The following MVD variants were observed in gnomAD, a reference collection of about 807,000 sequenced individuals.
MVD encodes the protein diphosphomevalonate decarboxylase.
In MVD, 52 loss-of-function variants were observed where a neutral mutation model predicts 42.4. That is an observed-to-expected ratio of 1.23 (90% confidence interval 0.98 to 1.55). MVD has a LOEUF of 1.55. Among genes scored for constraint, MVD ranks in the 40% most tolerant of loss-of-function variants. The pLI, the probability that MVD is intolerant of heterozygous loss-of-function variation, is 0.00. For synonymous variants in MVD, 287 were observed against 243.2 expected, an observed-to-expected ratio of 1.18 and a Z score of -1.68; for missense variants, 663 against 572.1, an observed-to-expected ratio of 1.16 and a Z score of -1.62.
chr16:88,655,188 G>A lies in MVD; in HGVS notation c.897+11C>T. ...CGCGAGCGCAGCCTCTGCCCTCCCG[G>A]CCCGCGTCACCTTGGTGTCCCCGTG... On this transcript the variant is annotated intron_variant, in intron 7 of 9. Coordinates refer to ENST00000301012, the MANE Select transcript of MVD (RefSeq NM_002461.3). The A allele has an allele frequency of 6.4e-7, 1 of 1,553,164 alleles. No homozygotes were observed.
intron 7 of MVD, 194 bp downstream of exon 7, chr16:88,655,005 C>G: frequency 1.1e-6 from 1 of 875,300 alleles, no homozygotes; most frequent in Non-Finnish European, 1.7e-6. Context: ...GGTGGTGGGG[C>G]CGTGACCCGG....
rs1219331666 is a variant in MVD at position 88,663,090 on chromosome 16, G to A, written c.-10C>T. 6 of 1,608,054 alleles carry A rather than the reference G, an allele frequency of 3.7e-6. No homozygotes were observed. In the African/African-American group the frequency reaches 4.0e-5, roughly 11 times the overall value. On this transcript the variant is annotated 5_prime_UTR_variant, in exon 1 of 10. Transcript: ENST00000301012. ...GCTTCTCCGAGGCCATGGTCCCACC[G>A]CGCAGTGACCCCAGCTCCACAGCCA... is the stretch of plus-strand genomic sequence containing the variant.
At chr16:88,654,995 G>C in intron 7 of MVD, 188 bp from the exon 8 acceptor site, 1 of 853,486 alleles carries the variant, frequency 1.2e-6, no homozygotes, top group Non-Finnish European at 1.8e-6. Flanking sequence ...CCAGGAAGAA[G>C]GTGGTGGGGC....
intron 4 of MVD, chr16:88,656,740 C>G (rs1907953978): frequency 4.0e-6 from 1 of 252,462 alleles, no homozygotes. Flanking sequence ...CACCTTCTCC[C>G]CTCCTCCCAC....
At chr16:88,655,088 T>C in intron 7 of MVD, 111 bp downstream of exon 7, 1 of 1,292,326 alleles carries the variant, frequency 7.7e-7, no homozygotes, top group East Asian at 2.5e-5. Flanking sequence ...GGGTGGAGCT[T>C]TCAGACACAG....
rs748943997 is a variant in MVD, at chr16:88,655,227, C to A, written c.869G>T (p.Arg290Leu). 3 of 1,574,700 alleles carry A rather than the reference C, an allele frequency of 1.9e-6. No individual in the cohort carries two copies. In the African/African-American group the frequency reaches 4.0e-5, roughly 21 times the overall value. ...GGTGTCCCCGTGGTGGGCGTTGAAG[C>A]GGTGCACCAGGTGGATGATGCGCCA... ...ISWRIIHLVH[R>L]FNAHHGDTKV... Residue 290 changes from arginine to leucine, a missense_variant, in exon 7 of 10, where the codon CGC (arginine) becomes CTC (leucine). Coordinates refer to ENST00000301012, the MANE Select transcript of MVD (RefSeq NM_002461.3).
intron 8 of MVD, 79 bp from the exon 9 acceptor site, chr16:88,653,487 G>C: frequency 8.2e-7 from 1 of 1,213,176 alleles, no homozygotes; most frequent in Non-Finnish European, 1.1e-6. Flanking sequence ...GGCAAGTCCA[G>C]AGATGGGAAG....
At chr16:88,662,611 C>T (rs902247854) in intron 1 of MVD, 5 of 1,074,278 alleles carry the variant, frequency 4.7e-6, no homozygotes, top group East Asian at 8.6e-5. Flanking sequence ...GCGCGATTTC[C>T]GCTCACTGCA....
intron 4 of MVD, 164 bp downstream of exon 4, chr16:88,657,272 T>C (rs900505952): frequency 1.0e-6 from 1 of 970,906 alleles, no homozygotes; most frequent in African/African-American, 1.6e-5. Context: ...TGTTCAGATG[T>C]GCTCTGGGAA....
chr16:88,657,616 C>T lies in MVD; in HGVS notation c.257-34G>A, dbSNP rs185245029. ...ACAATGAGACAGCGTGTGGCCCAGCCGTCAGCACCCTGCCCGCCCTGCTCC... is the reference window on the plus strand; with the variant it reads ...ACAATGAGACAGCGTGTGGCCCAGCTGTCAGCACCCTGCCCGCCCTGCTCC... On this transcript the variant is annotated intron_variant, in intron 3 of 9. Transcript: ENST00000301012. The T allele has an allele frequency of 1.4e-3, 2,289 of 1,601,172 alleles. 5 individuals are homozygous for T. The highest frequency in any genetic ancestry group is 2.8e-3 in the South Asian group (257 of 90,318).
At chr16:88,654,930 C>G in intron 7 of MVD, 123 bp from the exon 8 acceptor site, 2 of 1,013,694 alleles carry the variant, frequency 2.0e-6, no homozygotes, top group Admixed American at 2.9e-5. Flanking sequence ...CAGGGCCACA[C>G]TGGAGTGGAG....
Position 88,657,371 on chromosome 16 carries a change from G to C in MVD, c.403+65C>G, listed in dbSNP as rs1298905048. Reference sequence around the variant, plus strand: ...CCCAGCAGTGGGCTCCCTGACCCGGGAAGAGCATGAAGTGGCTCCTGCGCC... The same window carrying C: ...CCCAGCAGTGGGCTCCCTGACCCGGCAAGAGCATGAAGTGGCTCCTGCGCC... On this transcript the variant is annotated intron_variant, in intron 4 of 9. Transcript: ENST00000301012. 8 of 1,532,918 alleles carry C rather than the reference G, an allele frequency of 5.2e-6. No individual in the cohort carries two copies. In the African/African-American group the frequency reaches 8.2e-5, roughly 16 times the overall value. 95.0% of individuals were successfully genotyped at this position (1,532,918 alleles called of 1,614,324 possible).
chr16:88,658,320 C>T (rs1407638300), intron 2 of MVD, among the ~76,000 whole-genome samples: 1 of 152,144 alleles, frequency 6.6e-6, no homozygotes, highest in Admixed American at 6.5e-5. Context: ...CCTGGGGGCA[C>T]ATGTGTGCTG....
chr16:88,656,307 G>T lies in MVD; in HGVS notation c.404-3C>A. 1.3e-6 allele frequency: 2 copies of T among 1,599,094 alleles called. No individual in the cohort carries two copies. Among genetic ancestry groups the T allele is most frequent in the Non-Finnish European group, 1.7e-6 (2 of 1,179,892 alleles). On this transcript the variant is annotated splice_polypyrimidine_tract_variant and splice_region_variant and intron_variant, in intron 4 of 9. Transcript: ENST00000301012. ...GTAGACACGGGCCAGGGTGTAGGCT[G>T]CAGGCATGCGGATTCAGGGAGGGTC...
At chr16:88,655,965 C>G (rs1001406216) in intron 5 of MVD, 140 bp downstream of exon 5, 3 of 1,263,996 alleles carry the variant, frequency 2.4e-6, no homozygotes, top group Non-Finnish European at 3.2e-6. Flanking sequence ...CACTCAACCA[C>G]GCTTCTGTTC....
At chr16:88,658,942 C>T in intron 1 of MVD, 1 of 556,778 alleles carries the variant, frequency 1.8e-6, no homozygotes, top group Non-Finnish European at 3.3e-6. Context: ...GGCCAGCCAA[C>T]CTCCGTCCCC....
chr16:88,652,507 C>T lies in MVD; in HGVS notation c.*18G>A, dbSNP rs368462049. 36 of 1,558,316 alleles carry T rather than the reference C, an allele frequency of 2.3e-5. No individual in the cohort carries two copies. Among genetic ancestry groups the T allele is most frequent in the Non-Finnish European group, 2.8e-5 (32 of 1,151,130 alleles). ...GGCCACCCCTTCTCCAAGCGGCATGCGGTCCCTGCTGAGGCAGTCAGGCAG... is the reference window on the plus strand; with the variant it reads ...GGCCACCCCTTCTCCAAGCGGCATGTGGTCCCTGCTGAGGCAGTCAGGCAG... On this transcript the variant is annotated 3_prime_UTR_variant, in exon 10 of 10. Coordinates refer to ENST00000301012, the MANE Select transcript of MVD (RefSeq NM_002461.3).
Position 88,654,565 on chromosome 16 carries a change from C to T in MVD, c.1013+127G>A, listed in dbSNP as rs529752829. ...ACACCCTGCCCGTGGCTCCCACACT[C>T]GGGGGACTGCTGCCTGCCCTGGGAC... On this transcript the variant is annotated intron_variant, in intron 8 of 9. Coordinates refer to ENST00000301012, the MANE Select transcript of MVD (RefSeq NM_002461.3). 1.3e-5 allele frequency: 12 copies of T among 906,312 alleles called. No homozygotes were observed. In the East Asian group the frequency reaches 1.9e-4, roughly 14 times the overall value. The allele number at this position is 906,312 out of a possible 1,614,324, so 56.1% of individuals were successfully genotyped here. A position where few individuals can be genotyped will look rare whatever the true frequency, so the allele number is the denominator to read the frequency against.
intron 3 of MVD, 154 bp from the exon 4 acceptor site, chr16:88,657,736 C>A: frequency 1.5e-6 from 2 of 1,305,700 alleles, no homozygotes; most frequent in Non-Finnish European, 2.1e-6. Context: ...CAGACTGACC[C>A]AAGCCCAGCT....
Sources: gnomAD v4.1 joint callset for allele counts (sites outside exome capture counted in the v4.1 genomes callset) on GRCh38, gnomAD v4.1.1 for gene constraint, MANE v1.5 for transcripts, NCBI Gene and HGNC (gene_info 2026-07-23, HGNC 2026-07-21) for gene names.